CNTNAP2: variants seen among roughly 807,000 people sequenced by gnomAD.
CNTNAP2 encodes contactin-associated protein-like 2.
Under a neutral mutation model 155.2 loss-of-function variants are expected in CNTNAP2, and 98 were observed. The observed-to-expected ratio is 0.63, with a 90% CI of 0.54 to 0.75. The LOEUF is 0.75. Among genes scored for constraint, CNTNAP2 ranks in the 30% least tolerant of loss-of-function variants. The pLI is 0.00. For synonymous variants in CNTNAP2, 651 were observed against 631.2 expected (o/e 1.03, Z -0.47); for missense variants, 1,727 against 1,688.1 (o/e 1.02, Z -0.40).
intron 13 of CNTNAP2, among the ~76,000 whole-genome samples, chr7:147,740,784 T>C (rs745544123): frequency 3.3e-5 from 5 of 152,170 alleles, no homozygotes; most frequent in Non-Finnish European, 7.3e-5. Context: ...AGGATTTGAT[T>C]TGTGTGCAAG....
At chr7:148,088,962 G>A (rs949601624) in intron 15 of CNTNAP2, among the ~76,000 whole-genome samples, 1 of 151,880 alleles carries the variant, frequency 6.6e-6, no homozygotes. Context: ...CATTCATCAT[G>A]GTCAGGTGGG....
intron 15 of CNTNAP2, among the ~76,000 whole-genome samples, chr7:148,012,166 C>G (rs867044536): frequency 2.0e-5 from 3 of 152,218 alleles, no homozygotes; most frequent in African/African-American, 7.2e-5. Flanking sequence ...GATCTTCCCC[C>G]CTCAGTCTCC....
At chr7:146,189,760 A>C (rs1440734197) in intron 1 of CNTNAP2, among the ~76,000 whole-genome samples, 1 of 152,180 alleles carries the variant, frequency 6.6e-6, no homozygotes, top group Non-Finnish European at 1.5e-5. Flanking sequence ...AATCATTTGA[A>C]TTTCAACATT....
chr7:147,098,657 T>A (rs1175604422), intron 4 of CNTNAP2, among the ~76,000 whole-genome samples: 1 of 152,222 alleles, frequency 6.6e-6, no homozygotes, highest in Non-Finnish European at 1.5e-5. Flanking sequence ...GATTTTTCAC[T>A]TCTTTTCTAA....
chr7:146,145,651 A>G (rs369581927), intron 1 of CNTNAP2, among the ~76,000 whole-genome samples: 10 of 152,278 alleles, frequency 6.6e-5, no homozygotes, highest in African/African-American at 2.4e-4. Flanking sequence ...GTCCCCTATT[A>G]CTGACCATGG....
intron 12 of CNTNAP2, among the ~76,000 whole-genome samples, chr7:147,602,954 G>C (rs912972460): frequency 2.0e-5 from 3 of 152,166 alleles, no homozygotes; most frequent in South Asian, 2.1e-4. Flanking sequence ...AAACGTACAT[G>C]TGCATGTATG....
chr7:148,222,821 A>G (rs1563000888), intron 19 of CNTNAP2, among the ~76,000 whole-genome samples: 1 of 152,150 alleles, frequency 6.6e-6, no homozygotes, highest in East Asian at 1.9e-4. Context: ...TTTGAGACCC[A>G]CCAAGCTCAT....
intron 11 of CNTNAP2, among the ~76,000 whole-genome samples, chr7:147,531,983 AT>A (rs1325521328): frequency 6.6e-6 from 1 of 151,472 alleles, no homozygotes; most frequent in Non-Finnish European, 1.5e-5. Context: ...ATTTTTTTGT[AT>A]TTTTAGTAGA....
chr7:147,665,504 G>A (rs1215672719), intron 13 of CNTNAP2, among the ~76,000 whole-genome samples: 2 of 152,132 alleles, frequency 1.3e-5, no homozygotes, highest in Non-Finnish European at 1.5e-5. Context: ...GGATACAAGG[G>A]CAGAGGTTTG....
chr7:147,120,999 A>C lies in CNTNAP2; in HGVS notation c.775A>C (p.Ile259Leu), dbSNP rs199950262. The C allele has an allele frequency of 6.2e-7, 1 of 1,613,756 alleles. No homozygotes were observed. Among genetic ancestry groups the C allele is most frequent in the Non-Finnish European group, 8.5e-7 (1 of 1,179,954 alleles). Residue 259 changes from isoleucine (I) to leucine (L), a missense_variant, in exon 6 of 24, where the codon ATA becomes CTA. Transcript: ENST00000361727. ...LNLGSNQLGP[I>L]YGHTSVMTGS... ...CGCAGGAAGCAACCAGCTTGGCCCCATATATGGCCACACATCAGTGATGAC... is the reference window on the plus strand; with the variant it reads ...CGCAGGAAGCAACCAGCTTGGCCCCCTATATGGCCACACATCAGTGATGAC...
chr7:146,932,200 C>G (rs185257959), intron 3 of CNTNAP2, among the ~76,000 whole-genome samples: 2 of 152,316 alleles, frequency 1.3e-5, no homozygotes, highest in East Asian at 1.9e-4. Flanking sequence ...AAAATATTGG[C>G]AAACTGAATC....
chr7:147,618,274 C>G (rs1057025540), intron 12 of CNTNAP2, among the ~76,000 whole-genome samples: 1 of 152,132 alleles, frequency 6.6e-6, no homozygotes, highest in Non-Finnish European at 1.5e-5. Flanking sequence ...CTATAGTAGA[C>G]CATAAGGCAG....
At chr7:147,063,451 C>T (rs1344656503) in intron 4 of CNTNAP2, among the ~76,000 whole-genome samples, 1 of 152,078 alleles carries the variant, frequency 6.6e-6, no homozygotes, top group Non-Finnish European at 1.5e-5. Flanking sequence ...CCTTTCCACA[C>T]TTGGACATTT....
chr7:147,365,949 C>G (rs1458608374), intron 9 of CNTNAP2, among the ~76,000 whole-genome samples: 2 of 152,112 alleles, frequency 1.3e-5, no homozygotes, highest in Non-Finnish European at 2.9e-5. Context: ...CATTCTCTTT[C>G]CTTAAATAGT....
rs1796182669 is a variant in CNTNAP2, at chr7:146,432,183, G to GA, written c.97+315217dup. Among the ~76,000 whole-genome samples, 3 of 152,088 alleles carry GA rather than the reference G, an allele frequency of 2.0e-5. No individual in the cohort carries two copies. In the South Asian group the frequency reaches 6.2e-4, roughly 32 times the overall value. Reference sequence around the variant, plus strand: ...TTTACTCATTGATGTAGAAACAGGAGAAAAAAACATATTTGAATCAGATGA... The same window carrying GA: ...TTTACTCATTGATGTAGAAACAGGAGAAAAAAAACATATTTGAATCAGATGA... On this transcript the variant is annotated intron_variant, in intron 1 of 23. Coordinates refer to ENST00000361727, the MANE Select transcript of CNTNAP2 (RefSeq NM_014141.6).
intron 10 of CNTNAP2, among the ~76,000 whole-genome samples, chr7:147,396,167 C>CAT (rs1309881586): frequency 1.2e-3 from 110 of 91,366 alleles, no homozygotes; most frequent in African/African-American, 4.4e-3. Context: ...TGAGATATAT[C>CAT]ATATATATAT....
intron 15 of CNTNAP2, among the ~76,000 whole-genome samples, chr7:148,035,444 T>A (rs931748092): frequency 7.2e-5 from 11 of 152,170 alleles, no homozygotes; most frequent in Admixed American, 7.2e-4. Flanking sequence ...TGCATTCCAG[T>A]GTAGCAGTCC....
chr7:147,925,260 T>C (rs951518336), intron 14 of CNTNAP2, among the ~76,000 whole-genome samples: 1 of 147,346 alleles, frequency 6.8e-6, no homozygotes, highest in African/African-American at 2.5e-5. Context: ...CCCCTACACA[T>C]ATAATGCAGA....
At chr7:147,137,917 G>GA (rs1563090114) in intron 8 of CNTNAP2, among the ~76,000 whole-genome samples, 25 of 51,260 alleles carry the variant, frequency 4.9e-4, no homozygotes, top group East Asian at 1.0e-3. Context: ...AGATAGATAG[G>GA]TAGATAGATA....
Sources: allele counts gnomAD v4.1 joint callset (sites outside exome capture counted in the v4.1 genomes callset), GRCh38; gene constraint gnomAD v4.1.1; transcripts MANE v1.5; gene names NCBI Gene and HGNC (gene_info 2026-07-23, HGNC 2026-07-21).